The following TCF4 variants were observed in gnomAD, a reference collection of about 807,000 sequenced individuals.
TCF4 encodes the protein transcription factor 4.
TCF4 carries 3 observed loss-of-function variants against 82.1 expected under a neutral mutation model. The ratio of observed to expected loss-of-function variants is 0.04; its 90% CI spans 0.02 to 0.09. The LOEUF (loss-of-function observed/expected upper bound fraction) is 0.09. Among genes scored for constraint, TCF4 ranks in the 10% least tolerant of loss-of-function variants. The pLI is 1.00. For missense variants in TCF4, 518 were observed against 852.7 expected (o/e 0.61, Z 4.89); for synonymous variants, 276 against 309.6 (o/e 0.89, Z 1.14).
chr18:55,476,812 C>A (rs1368691032), intron 3 of TCF4, among the ~76,000 whole-genome samples: 3 of 152,174 alleles, frequency 2.0e-5, no homozygotes, highest in African/African-American at 7.2e-5. Flanking sequence ...TGACATATTT[C>A]AACTGTGATT....
chr18:55,434,168 C>G (rs2095270625), intron 5 of TCF4, among the ~76,000 whole-genome samples: 1 of 152,158 alleles, frequency 6.6e-6, no homozygotes, highest in Admixed American at 6.5e-5. Flanking sequence ...CTTCTATGCA[C>G]TGACTTCTAG....
intron 13 of TCF4, among the ~76,000 whole-genome samples, chr18:55,258,402 T>C (rs1338131097): frequency 1.3e-5 from 2 of 152,136 alleles, no homozygotes; most frequent in Non-Finnish European, 2.9e-5. Context: ...ACTGAGATCA[T>C]GCTACTCAGG....
In TCF4 at chr18:55,439,758, T is replaced by TTTTGA. The variant is rs2095404038; in HGVS notation, c.304+21260_304+21261insTCAAA. On this transcript the variant is annotated intron_variant, in intron 5 of 19. Transcript: ENST00000354452. ...TCTTTTTTGAGACGGAGTCTCACTC[T>TTTTGA]GTCACCGAGGCAAGAGTATAACGGC... is the stretch of plus-strand genomic sequence containing the variant. Among the ~76,000 whole-genome samples, 22 of 152,368 alleles carry TTTTGA rather than the reference T, an allele frequency of 1.4e-4. No homozygotes were observed. In the South Asian group the frequency reaches 4.1e-3, roughly 29 times the overall value.
intron 5 of TCF4, among the ~76,000 whole-genome samples, chr18:55,431,934 G>A (rs531335303): frequency 1.3e-5 from 2 of 152,290 alleles, no homozygotes; most frequent in East Asian, 3.9e-4. Context: ...GGCGGTGCAC[G>A]GATATCTCTG....
chr18:55,346,766 T>G (rs1430359870), intron 8 of TCF4, among the ~76,000 whole-genome samples: 1 of 152,188 alleles, frequency 6.6e-6, no homozygotes, highest in African/African-American at 2.4e-5. Flanking sequence ...TTTTACATGT[T>G]TACATGTTGA....
chr18:55,379,396 G>C (rs988986156), intron 6 of TCF4, among the ~76,000 whole-genome samples: 2 of 152,180 alleles, frequency 1.3e-5, no homozygotes, highest in Admixed American at 1.3e-4. Context: ...AAGTGTAGGG[G>C]AGGAGCTGAA....
chr18:55,356,108 G>A (rs113233180), intron 6 of TCF4, among the ~76,000 whole-genome samples: 2,779 of 152,152 alleles, frequency 0.018, 42 homozygotes, highest in South Asian at 0.033. Flanking sequence ...AAAATGTTCC[G>A]CAGAGCCAGG....
rs2097703279 is a variant in TCF4, at chr18:55,607,589, G to A, written c.287-20453C>T. On this transcript the variant is annotated intron_variant, in intron 2 of 20. Coordinates refer to the TCF4 transcript ENST00000398339. ...AAGATTTTGGAATTACATGCCTTGA[G>A]TCCTAGCCCTAGGTCTGTCAAAGAG... 2.6e-5 allele frequency among the ~76,000 whole-genome samples: 4 copies of A among 152,282 alleles called. No homozygotes were observed. In the South Asian group the frequency reaches 8.3e-4, roughly 32 times the overall value.
At chr18:55,616,420 A>G (rs1568495496) in intron 2 of TCF4, among the ~76,000 whole-genome samples, 1 of 152,126 alleles carries the variant, frequency 6.6e-6, no homozygotes, top group Admixed American at 6.5e-5. Flanking sequence ...TAATGCTGCA[A>G]TAAACAGGAG....
chr18:55,635,827 G>T, exon 1 of TCF4: 1 of 1,559,464 alleles, frequency 6.4e-7, no homozygotes. Context: ...TGAGTAATTT[G>T]TCAAAATGAT....
chr18:55,322,790 T>C (rs1041916927), intron 8 of TCF4, among the ~76,000 whole-genome samples: 1 of 152,250 alleles, frequency 6.6e-6, no homozygotes, highest in Non-Finnish European at 1.5e-5. Flanking sequence ...TTCACGCTAT[T>C]TGCTGGGCTC....
chr18:55,595,404 C>T (rs2097689846), intron 2 of TCF4, among the ~76,000 whole-genome samples: 1 of 152,142 alleles, frequency 6.6e-6, no homozygotes, highest in Non-Finnish European at 1.5e-5. Context: ...AGTGCATGTT[C>T]CCCCTTTAAA....
At chr18:55,514,349 T>C (rs2096857836) in intron 3 of TCF4, among the ~76,000 whole-genome samples, 1 of 151,908 alleles carries the variant, frequency 6.6e-6, no homozygotes, top group African/African-American at 2.4e-5. Context: ...GTTTGAAATA[T>C]TATGCATTCA....
chr18:55,276,030 G>T (rs1227392382), intron 9 of TCF4, among the ~76,000 whole-genome samples: 1 of 152,112 alleles, frequency 6.6e-6, no homozygotes, highest in East Asian at 1.9e-4. Flanking sequence ...AAGTCGCAAG[G>T]TAATTACTGC....
chr18:55,587,498 AAATG>A (rs1237406715), intron 1 of TCF4, among the ~76,000 whole-genome samples: 5 of 150,482 alleles, frequency 3.3e-5, no homozygotes, highest in Non-Finnish European at 7.4e-5. Flanking sequence ...GTAGAGCGAG[AAATG>A]AATGGATCAC....
At chr18:55,490,483 G>T (rs1288355739) in intron 3 of TCF4, among the ~76,000 whole-genome samples, 2 of 152,000 alleles carry the variant, frequency 1.3e-5, no homozygotes, top group Non-Finnish European at 2.9e-5. Context: ...TGAGATTACT[G>T]ATGTACTATA....
chr18:55,580,639 T>A (rs1761930263), intron 3 of TCF4, among the ~76,000 whole-genome samples: 1 of 151,966 alleles, frequency 6.6e-6, no homozygotes, highest in African/African-American at 2.4e-5. Flanking sequence ...ATTAGACACA[T>A]TTTTAAAAAT....
intron 2 of TCF4, among the ~76,000 whole-genome samples, chr18:55,615,542 G>A (rs1002932695): frequency 2.0e-5 from 3 of 151,558 alleles, no homozygotes; most frequent in Non-Finnish European, 4.4e-5. Context: ...TATTACATTG[G>A]CTATAACCTT....
At chr18:55,503,534 C>G (rs1317133174) in intron 3 of TCF4, among the ~76,000 whole-genome samples, 3 of 152,212 alleles carry the variant, frequency 2.0e-5, no homozygotes, top group Non-Finnish European at 4.4e-5. Context: ...ATTCTACTGA[C>G]AGCATCCAGA....
Sources: allele counts gnomAD v4.1 joint callset (sites outside exome capture counted in the v4.1 genomes callset), GRCh38; gene constraint gnomAD v4.1.1; transcripts MANE v1.5; gene names NCBI Gene and HGNC (gene_info 2026-07-23, HGNC 2026-07-21).